The following PLA2G4E variants were observed in gnomAD, a reference collection of about 807,000 sequenced individuals.
The protein encoded by PLA2G4E is phospholipase A2 group IVE, also known as cytosolic phospholipase A2 epsilon.
A neutral mutation model predicts 109.1 loss-of-function variants in PLA2G4E; 84 were observed. The ratio of observed to expected loss-of-function variants is 0.77; its 90% CI spans 0.65 to 0.92. The LOEUF (loss-of-function observed/expected upper bound fraction) is 0.92. Among genes scored for constraint, PLA2G4E ranks in the 40% least tolerant of loss-of-function variants. The pLI is 0.00. For missense variants in PLA2G4E, 1,057 were observed against 1,076.6 expected (o/e 0.98, Z 0.25); for synonymous variants, 469 against 436.1 (o/e 1.08, Z -0.94).
chr15:41,993,127 G>A (rs1056445909), intron 12 of PLA2G4E, among the ~76,000 whole-genome samples, 168 bp from the exon 13 acceptor site: 1 of 152,190 alleles, frequency 6.6e-6, no homozygotes, highest in African/African-American at 2.4e-5. Context: ...GAGGAGCAGG[G>A]GAGGTGAACA....
chr15:41,988,065 C>G, exon 16 of PLA2G4E: 1 of 1,604,716 alleles, frequency 6.2e-7, no homozygotes, highest in Non-Finnish European at 8.5e-7. Context: ...CCTGCACTTT[C>G]TCCCTTGTCC....
chr15:41,987,491 A>T lies in PLA2G4E; in HGVS notation c.1832-116T>A, dbSNP rs1357610072. Reference sequence around the variant, plus strand: ...GGGGTGAGCACTGTAAAAGCAGCTCATACCTTCCTTGCTGGGCTCTCAAGG... The same window carrying T: ...GGGGTGAGCACTGTAAAAGCAGCTCTTACCTTCCTTGCTGGGCTCTCAAGG... On this transcript the variant is annotated intron_variant, in intron 16 of 19. Coordinates refer to ENST00000399518, the Ensembl canonical transcript of PLA2G4E. The T allele has an allele frequency of 4.3e-6, 4 of 923,158 alleles. No homozygotes were observed. The East Asian group carries it at 7.9e-5, about 18-fold the overall frequency. The allele number at this position is 923,158 out of a possible 1,614,324, so 57.2% of individuals were successfully genotyped here.
At chr15:41,991,935 C>A (rs1372033704) in intron 13 of PLA2G4E, among the ~76,000 whole-genome samples, 1 of 152,176 alleles carries the variant, frequency 6.6e-6, no homozygotes, top group Non-Finnish European at 1.5e-5. Flanking sequence ...CCCTGATGTC[C>A]AGGATCGCAA....
chr15:42,028,391 A>ACTTATTTATTTC (rs1555388334), intron 1 of PLA2G4E, among the ~76,000 whole-genome samples: 1 of 26,376 alleles, frequency 3.8e-5, no homozygotes, highest in Non-Finnish European at 7.8e-5. Context: ...TTACTTATTT[A>ACTTATTTATTTC]TTTATTTATT....
At position 42,022,375 on chromosome 15, in the gene PLA2G4E, G is replaced by A. The variant is rs543141422; in HGVS notation, c.184-8618C>T. Among the ~76,000 whole-genome samples the A allele has an allele frequency of 2.6e-5, 4 of 152,208 alleles. No individual in the cohort carries two copies. In the East Asian group the frequency reaches 5.8e-4, roughly 22 times the overall value. ...ATTTTTCCGCGGGTGGGCGGGAGAT[G>A]GTTTTGGGATGATACAAGTGCCTTA... On this transcript the variant is annotated intron_variant, in intron 1 of 19. Coordinates refer to ENST00000399518, the Ensembl canonical transcript of PLA2G4E.
At chr15:42,025,439 G>T (rs2068685518) in intron 1 of PLA2G4E, among the ~76,000 whole-genome samples, 1 of 152,090 alleles carries the variant, frequency 6.6e-6, no homozygotes, top group Non-Finnish European at 1.5e-5. Flanking sequence ...CTGGGAGGGA[G>T]AGTTGTGTGT....
intron 6 of PLA2G4E, among the ~76,000 whole-genome samples, chr15:42,001,477 G>T (rs572490394): frequency 1.1e-4 from 17 of 152,282 alleles, no homozygotes; most frequent in Non-Finnish European, 2.4e-4. Flanking sequence ...TAGGGGTCAG[G>T]TCCTCAGCTG....
intron 1 of PLA2G4E, among the ~76,000 whole-genome samples, chr15:42,041,887 CA>C (rs1195612049): frequency 1.3e-5 from 2 of 152,174 alleles, no homozygotes; most frequent in African/African-American, 4.8e-5. Context: ...CTGGGCAAAT[CA>C]GCAGAGAGGC....
intron 4 of PLA2G4E, 37 bp downstream of exon 4, chr15:42,005,953 T>G (rs77794028): frequency 3.1e-6 from 5 of 1,607,042 alleles, no homozygotes; most frequent in Non-Finnish European, 4.3e-6. Flanking sequence ...GAGGTTATCA[T>G]GAAGCCGGAG....
chr15:41,989,070 C>G (rs2068197102), intron 15 of PLA2G4E, among the ~76,000 whole-genome samples: 1 of 152,174 alleles, frequency 6.6e-6, no homozygotes, highest in South Asian at 2.1e-4. Context: ...GACCCTGCCC[C>G]TTACCCTGTG....
chr15:42,006,095 A>G (rs2068473832), exon 4 of PLA2G4E: 1 of 1,613,922 alleles, frequency 6.2e-7, no homozygotes, highest in East Asian at 2.2e-5. Flanking sequence ...CTGTGTCTTC[A>G]TCACAGACAC....
At chr15:42,047,423 C>T (rs1396393499) in intron 1 of PLA2G4E, among the ~76,000 whole-genome samples, 1 of 151,922 alleles carries the variant, frequency 6.6e-6, no homozygotes, top group Non-Finnish European at 1.5e-5. Flanking sequence ...GCAGAACTCA[C>T]TTTTATAACA....
intron 6 of PLA2G4E, among the ~76,000 whole-genome samples, chr15:42,002,264 C>CAAAAAAA (rs71108143): frequency 9.6e-5 from 7 of 73,210 alleles, no homozygotes; most frequent in African/African-American, 3.1e-4. Flanking sequence ...GACCTTGTCT[C>CAAAAAAA]AAAAAAAAAA....
intron 10 of PLA2G4E, 122 bp from the exon 11 acceptor site, chr15:41,997,381 C>T: frequency 8.7e-7 from 1 of 1,153,338 alleles, no homozygotes; most frequent in Non-Finnish European, 1.2e-6. Flanking sequence ...CTTCTGTGAC[C>T]TTGGGTCTCC....
intron 1 of PLA2G4E, among the ~76,000 whole-genome samples, chr15:42,031,249 A>G (rs113689408): frequency 0.017 from 2,603 of 152,298 alleles, 78 homozygotes; most frequent in African/African-American, 0.06. Flanking sequence ...GATTACAGGT[A>G]TGAGCCACCG....
Position 42,038,845 on chromosome 15 carries a change from A to G in PLA2G4E, c.183+11676T>C, listed in dbSNP as rs1446289293. Among the ~76,000 whole-genome samples, 4 of 152,156 alleles carry G rather than the reference A, an allele frequency of 2.6e-5. No individual in the cohort carries two copies. In the South Asian group the frequency reaches 6.2e-4, roughly 24 times the overall value. On this transcript the variant is annotated intron_variant, in intron 1 of 19. Coordinates refer to ENST00000399518, the Ensembl canonical transcript of PLA2G4E. ...GGGATATTATCACCAATTTTACTAG[A>G]TATTACCAAAGTGTTCTCCAAAGTA...
At position 42,004,983 on chromosome 15, in the gene PLA2G4E, T is replaced by C. The variant is rs1350032439; in HGVS notation, c.526-5A>G. On this transcript the variant is annotated splice_polypyrimidine_tract_variant and splice_region_variant and intron_variant, in intron 4 of 19. Transcript: ENST00000399518. The stretch of plus-strand genomic sequence containing the variant: ...CACCTCCAGCTCTTCCATGCCCTGG[T>C]AGGGGAGGGAGGGAAGGCAGCTGTG... The C allele has an allele frequency of 1.9e-6, 3 of 1,612,456 alleles. No individual in the cohort carries two copies. The highest frequency in any genetic ancestry group is 2.5e-6 in the Non-Finnish European group (3 of 1,179,506).
At chr15:42,027,698 T>C (rs2068704209) in intron 1 of PLA2G4E, among the ~76,000 whole-genome samples, 1 of 152,160 alleles carries the variant, frequency 6.6e-6, no homozygotes, top group Non-Finnish European at 1.5e-5. Context: ...CTCACGTTTG[T>C]CCTACTTTTC....
chr15:42,002,135 C>T (rs1159903322), intron 6 of PLA2G4E, among the ~76,000 whole-genome samples: 1 of 151,992 alleles, frequency 6.6e-6, no homozygotes, highest in Non-Finnish European at 1.5e-5. Flanking sequence ...CATGTTGAAA[C>T]CCCGTCTCTA....
Sources: gnomAD v4.1 joint callset for allele counts (sites outside exome capture counted in the v4.1 genomes callset) on GRCh38, gnomAD v4.1.1 for gene constraint, MANE v1.5 for transcripts, NCBI Gene and HGNC (gene_info 2026-07-23, HGNC 2026-07-21) for gene names.